SND1: variants seen among roughly 807,000 people sequenced by gnomAD.
SND1 encodes staphylococcal nuclease domain-containing protein 1.
SND1 carries 38 observed loss-of-function variants against 121.7 expected under a neutral mutation model. The observed-to-expected ratio is 0.31, with a 90% CI of 0.24 to 0.41. The LOEUF (loss-of-function observed/expected upper bound fraction) is 0.41. SND1 is among the 10% of genes least tolerant of loss of function. The pLI, the probability that SND1 is intolerant of heterozygous loss-of-function variation, is 1.00. For synonymous variants in SND1, 401 were observed against 447.4 expected, an observed-to-expected ratio of 0.90 and a Z score of 1.31; for missense variants, 868 against 1,184.6, an observed-to-expected ratio of 0.73 and a Z score of 3.92.
chr7:128,079,135 T>C (rs769595856), intron 17 of SND1, among the ~76,000 whole-genome samples: 32 of 152,210 alleles, frequency 2.1e-4, no homozygotes, highest in Non-Finnish European at 4.4e-4. Context: ...CAGGTGTCAA[T>C]AGGAGTGACT....
intron 16 of SND1, among the ~76,000 whole-genome samples, chr7:127,996,217 G>A (rs1019614873): frequency 6.6e-6 from 1 of 152,152 alleles, no homozygotes; most frequent in Non-Finnish European, 1.5e-5. Flanking sequence ...TACGTTTCAG[G>A]GGAATGTGGC....
At chr7:127,963,750 G>A (rs1375708391) in intron 15 of SND1, among the ~76,000 whole-genome samples, 1 of 66,904 alleles carries the variant, frequency 1.5e-5, no homozygotes, top group Non-Finnish European at 2.9e-5. Context: ...ATGATTTATA[G>A]TCCTTTGGGT....
At chr7:127,779,983 C>T (rs940158790) in intron 10 of SND1, among the ~76,000 whole-genome samples, 2 of 152,140 alleles carry the variant, frequency 1.3e-5, no homozygotes, top group African/African-American at 4.8e-5. Context: ...TCTAGTTTTG[C>T]ACTGTGGGCA....
intron 12 of SND1, among the ~76,000 whole-genome samples, chr7:127,863,739 G>A (rs924837448): frequency 1.3e-5 from 2 of 152,070 alleles, no homozygotes; most frequent in African/African-American, 2.4e-5. Flanking sequence ...TTCTTCAAAG[G>A]GCCAGATGGT....
chr7:127,820,608 T>C (rs1798530574), intron 11 of SND1, among the ~76,000 whole-genome samples: 1 of 152,202 alleles, frequency 6.6e-6, no homozygotes, highest in African/African-American at 2.4e-5. Flanking sequence ...GTAGAATTGA[T>C]AGTCTTTTTT....
chr7:127,709,709 AT>A (rs1241029742), intron 9 of SND1, among the ~76,000 whole-genome samples: 4 of 152,144 alleles, frequency 2.6e-5, no homozygotes, highest in African/African-American at 7.2e-5. Context: ...ATGAAGTTTT[AT>A]TCATTACAGT....
intron 15 of SND1, among the ~76,000 whole-genome samples, chr7:127,987,890 C>T (rs1802431289): frequency 7.0e-6 from 1 of 142,344 alleles, no homozygotes; most frequent in Non-Finnish European, 1.5e-5. Context: ...CTAAGCTGGC[C>T]TCCAATAAAA....
intron 13 of SND1, among the ~76,000 whole-genome samples, chr7:127,895,013 T>C (rs1800090350): frequency 6.6e-6 from 1 of 152,022 alleles, no homozygotes; most frequent in Non-Finnish European, 1.5e-5. Context: ...GCCCTCCCTC[T>C]TTCCTCCCTC....
chr7:127,995,343 A>ACC (rs1672704270), intron 16 of SND1, among the ~76,000 whole-genome samples: 1 of 152,174 alleles, frequency 6.6e-6, no homozygotes, highest in Non-Finnish European at 1.5e-5. Context: ...GTACTTGGTG[A>ACC]CCCCTGACCC....
intron 14 of SND1, among the ~76,000 whole-genome samples, chr7:127,921,866 G>T (rs558900357): frequency 6.6e-6 from 1 of 152,146 alleles, no homozygotes; most frequent in Non-Finnish European, 1.5e-5. Context: ...CTTTTTTAGC[G>T]TAGAGTAGTA....
chr7:128,062,347 C>T (rs540653526), intron 16 of SND1, among the ~76,000 whole-genome samples: 1 of 152,130 alleles, frequency 6.6e-6, no homozygotes, highest in Non-Finnish European at 1.5e-5. Flanking sequence ...AGGACTGCCT[C>T]AGAGGGGATG....
chr7:127,791,789 T>C (rs1395930466), intron 10 of SND1, among the ~76,000 whole-genome samples: 2 of 152,224 alleles, frequency 1.3e-5, no homozygotes, highest in African/African-American at 2.4e-5. Context: ...GACATTTTGC[T>C]GGTATTTTGG....
intron 1 of SND1, among the ~76,000 whole-genome samples, chr7:127,663,838 A>C (rs1368277667): frequency 6.6e-6 from 1 of 152,192 alleles, no homozygotes; most frequent in Non-Finnish European, 1.5e-5. Context: ...CCTAAAGTGC[A>C]GATAGACAGG....
chr7:127,916,988 CA>C (rs1228167350), intron 14 of SND1, among the ~76,000 whole-genome samples: 2 of 152,176 alleles, frequency 1.3e-5, no homozygotes, highest in African/African-American at 4.8e-5. Flanking sequence ...TGAGGGCATC[CA>C]TCAGCAAGTG....
At chr7:127,834,339 G>A (rs1295953261) in intron 11 of SND1, among the ~76,000 whole-genome samples, 1 of 152,180 alleles carries the variant, frequency 6.6e-6, no homozygotes, top group Non-Finnish European at 1.5e-5. Context: ...CTGAGAAATG[G>A]TTTGATCTAG....
intron 12 of SND1, among the ~76,000 whole-genome samples, chr7:127,854,285 C>T (rs1488199325): frequency 2.0e-5 from 3 of 152,076 alleles, no homozygotes; most frequent in Admixed American, 6.5e-5. Flanking sequence ...CCCACCACCA[C>T]GCCTGGCTGA....
At chr7:128,084,172 C>G (rs1048915711) in intron 18 of SND1, among the ~76,000 whole-genome samples, 1 of 152,234 alleles carries the variant, frequency 6.6e-6, no homozygotes, top group African/African-American at 2.4e-5. Flanking sequence ...ATTCCTCCCC[C>G]ACCTTCCATG....
intron 10 of SND1, among the ~76,000 whole-genome samples, chr7:127,759,761 C>T (rs991248931): frequency 6.6e-6 from 1 of 152,146 alleles, no homozygotes; most frequent in African/African-American, 2.4e-5. Flanking sequence ...ACACCAACAC[C>T]TCCAGTTCCA....
intron 10 of SND1, among the ~76,000 whole-genome samples, chr7:127,748,265 G>A (rs1163634454): frequency 6.6e-6 from 1 of 152,134 alleles, no homozygotes; most frequent in Non-Finnish European, 1.5e-5. Flanking sequence ...CACACAAACG[G>A]TGATACCATA....
Sources: gnomAD v4.1 joint callset for allele counts (sites outside exome capture counted in the v4.1 genomes callset) on GRCh38, gnomAD v4.1.1 for gene constraint, MANE v1.5 for transcripts, NCBI Gene and HGNC (gene_info 2026-07-23, HGNC 2026-07-21) for gene names.